The following CDH12 variants were observed in gnomAD, a reference collection of about 807,000 sequenced individuals.
The protein encoded by CDH12 is cadherin-12.
Under a neutral mutation model 74.1 loss-of-function variants are expected in CDH12, and 41 were observed. That is an observed-to-expected ratio of 0.55 (90% CI 0.43 to 0.72). The LOEUF (loss-of-function observed/expected upper bound fraction) is 0.72, where lower values mean the gene tolerates loss of function less well. CDH12 is among the 30% of genes least tolerant of loss of function. CDH12 has a pLI of 0.00. For synonymous variants in CDH12, 399 were observed against 355.0 expected (o/e 1.12, Z -1.39); for missense variants, 945 against 977.2 (o/e 0.97, Z 0.44).
At chr5:21,756,934 T>A (rs1744430601) in intron 13 of CDH12, among the ~76,000 whole-genome samples, 1 of 152,098 alleles carries the variant, frequency 6.6e-6, no homozygotes, top group East Asian at 1.9e-4. Flanking sequence ...TGGGATATGA[T>A]TAGGGATGAA....
chr5:22,810,179 T>G (rs1749063746), intron 1 of CDH12, among the ~76,000 whole-genome samples: 1 of 152,210 alleles, frequency 6.6e-6, no homozygotes, highest in Admixed American at 6.5e-5. Flanking sequence ...GGAAATTAAC[T>G]GCCTTTGGGA....
chr5:21,858,826 T>A (rs1338599548), intron 6 of CDH12, among the ~76,000 whole-genome samples: 1 of 151,976 alleles, frequency 6.6e-6, no homozygotes, highest in Non-Finnish European at 1.5e-5. Flanking sequence ...TTTTTTGCAC[T>A]TTCCTTTTCC....
chr5:22,768,518 A>G (rs1447256385), intron 1 of CDH12, among the ~76,000 whole-genome samples: 1 of 152,076 alleles, frequency 6.6e-6, no homozygotes, highest in African/African-American at 2.4e-5. Flanking sequence ...TTTTATTAGC[A>G]CAGTTGTAGA....
At chr5:21,792,764 T>A (rs757968706) in intron 10 of CDH12, among the ~76,000 whole-genome samples, 2 of 151,720 alleles carry the variant, frequency 1.3e-5, no homozygotes, top group Non-Finnish European at 1.5e-5. Context: ...AAGAACTTCT[T>A]CTGCCCCCAA....
chr5:22,820,403 A>G (rs1475462915), intron 1 of CDH12, among the ~76,000 whole-genome samples: 1 of 152,066 alleles, frequency 6.6e-6, no homozygotes, highest in African/African-American at 2.4e-5. Flanking sequence ...TGTTCTCATG[A>G]TAGTGAATAA....
intron 4 of CDH12, among the ~76,000 whole-genome samples, chr5:22,081,284 C>T (rs954802550): frequency 3.9e-5 from 6 of 152,080 alleles, no homozygotes; most frequent in African/African-American, 1.4e-4. Flanking sequence ...GGTAAAAATA[C>T]GTTAGAAAGT....
chr5:22,027,263 G>C lies in CDH12; in HGVS notation c.231+51183C>G, dbSNP rs541993378. Reference sequence around the variant, plus strand: ...GCATCAATGTTCATCAAGGATATTGGTCTAAAATTCTCTTTTTTGGTTGTG... The same window carrying C: ...GCATCAATGTTCATCAAGGATATTGCTCTAAAATTCTCTTTTTTGGTTGTG... On this transcript the variant is annotated intron_variant, in intron 5 of 14. Coordinates refer to ENST00000382254, the MANE Select transcript of CDH12 (RefSeq NM_004061.5). 1.1e-4 allele frequency among the ~76,000 whole-genome samples: 17 copies of C among 152,226 alleles called. No individual in the cohort carries two copies. In the East Asian group the frequency reaches 3.1e-3, roughly 28 times the overall value.
intron 4 of CDH12, among the ~76,000 whole-genome samples, chr5:22,095,783 AC>A (rs1743726867): frequency 1.4e-5 from 2 of 143,922 alleles, no homozygotes; most frequent in Admixed American, 7.0e-5. Flanking sequence ...TTAATTCCAC[AC>A]CCCAACCTCT....
intron 4 of CDH12, among the ~76,000 whole-genome samples, chr5:22,100,652 G>GACACACACACAC (rs150777646): frequency 0.059 from 8,576 of 144,180 alleles, 415 homozygotes; most frequent in African/African-American, 0.12. Context: ...CCATACATTA[G>GACACACACACAC]ACACACACAC....
intron 1 of CDH12, among the ~76,000 whole-genome samples, chr5:22,644,401 A>T (rs1313344720): frequency 1.3e-5 from 2 of 152,168 alleles, no homozygotes; most frequent in Non-Finnish European, 2.9e-5. Flanking sequence ...TTGAAGATCA[A>T]ACCAGCTACA....
intron 1 of CDH12, among the ~76,000 whole-genome samples, chr5:22,732,958 A>G (rs776495735): frequency 7.9e-5 from 12 of 151,928 alleles, no homozygotes; most frequent in Non-Finnish European, 1.5e-4. Flanking sequence ...ATAAAAATTT[A>G]AAAACTAGTT....
intron 1 of CDH12, among the ~76,000 whole-genome samples, chr5:22,702,900 A>G (rs1165855027): frequency 6.6e-6 from 1 of 152,036 alleles, no homozygotes. Context: ...CAATAGTTAC[A>G]TTTTGTTAAG....
chr5:22,569,036 A>G (rs1739421890), intron 1 of CDH12, among the ~76,000 whole-genome samples: 1 of 152,180 alleles, frequency 6.6e-6, no homozygotes, highest in African/African-American at 2.4e-5. Context: ...ACAGTTTGTC[A>G]CATCCATTGA....
chr5:22,095,636 G>T (rs921634067), intron 4 of CDH12, among the ~76,000 whole-genome samples: 1 of 151,082 alleles, frequency 6.6e-6, no homozygotes, highest in Admixed American at 6.6e-5. Flanking sequence ...TTAGTGGCAA[G>T]TACTGCTTTT....
intron 4 of CDH12, among the ~76,000 whole-genome samples, chr5:22,140,446 A>G (rs1746721783): frequency 7.5e-6 from 1 of 133,798 alleles, no homozygotes; most frequent in Non-Finnish European, 1.7e-5. Flanking sequence ...TAAAGTAAAA[A>G]GAGAAGTAAG....
chr5:21,872,292 TCAG>T (rs1242070371), intron 6 of CDH12, among the ~76,000 whole-genome samples: 246 of 152,310 alleles, frequency 1.6e-3, no homozygotes, highest in African/African-American at 5.7e-3. Context: ...CCTAAATATT[TCAG>T]ACTATACATA....
intron 1 of CDH12, among the ~76,000 whole-genome samples, chr5:22,766,302 A>G (rs933411015): frequency 4.6e-5 from 7 of 152,104 alleles, no homozygotes; most frequent in African/African-American, 1.4e-4. Flanking sequence ...AAAGACATGC[A>G]TAAGAACTTT....
intron 4 of CDH12, among the ~76,000 whole-genome samples, chr5:22,183,044 GT>G (rs1200749514): frequency 6.7e-6 from 1 of 150,044 alleles, no homozygotes; most frequent in East Asian, 1.9e-4. Context: ...ACAGTCATTG[GT>G]ACAAGTTGCA....
intron 1 of CDH12, among the ~76,000 whole-genome samples, chr5:22,545,838 AT>A (rs1738300297): frequency 6.6e-6 from 1 of 152,188 alleles, no homozygotes; most frequent in Non-Finnish European, 1.5e-5. Context: ...CTGAGAAAAA[AT>A]GTCTATTGGT....
Sources: allele counts gnomAD v4.1 joint callset (sites outside exome capture counted in the v4.1 genomes callset), GRCh38; gene constraint gnomAD v4.1.1; transcripts MANE v1.5; gene names NCBI Gene and HGNC (gene_info 2026-07-23, HGNC 2026-07-21).